The following WDR27 variants were observed in gnomAD, a reference collection of about 807,000 sequenced individuals.
WDR27 encodes WD repeat-containing protein 27.
WDR27 carries 100 observed loss-of-function variants against 114.4 expected under a neutral mutation model. That is an observed-to-expected ratio of 0.87 (90% CI 0.74 to 1.03). WDR27 has a LOEUF of 1.03. Among genes scored for constraint, WDR27 ranks in the 50% least tolerant of loss-of-function variants. The pLI, the probability that WDR27 is intolerant of heterozygous loss-of-function variation, is 0.00. For missense variants in WDR27, 1,129 were observed against 1,092.9 expected, an observed-to-expected ratio of 1.03 and a Z score of -0.47; for synonymous variants, 449 against 423.1, an observed-to-expected ratio of 1.06 and a Z score of -0.75.
At chr6:169,499,648 G>A (rs544529356) in intron 25 of WDR27, among the ~76,000 whole-genome samples, 1 of 152,234 alleles carries the variant, frequency 6.6e-6, no homozygotes, top group Non-Finnish European at 1.5e-5. Context: ...GCACAGAACT[G>A]ACATTTCTGA....
chr6:169,590,113 C>T (rs1208398982), intron 23 of WDR27, among the ~76,000 whole-genome samples: 1 of 152,238 alleles, frequency 6.6e-6, no homozygotes, highest in Non-Finnish European at 1.5e-5. Context: ...AACAGGACTA[C>T]ACCGATTCAT....
At chr6:169,666,704 C>A in intron 6 of WDR27, 1 of 987,828 alleles carries the variant, frequency 1.0e-6, no homozygotes, top group Non-Finnish European at 1.2e-6. Flanking sequence ...CTGGCATTCA[C>A]GAGCTGCACA....
At chr6:169,505,911 G>C (rs1791944907) in intron 25 of WDR27, among the ~76,000 whole-genome samples, 1 of 152,038 alleles carries the variant, frequency 6.6e-6, no homozygotes, top group Non-Finnish European at 1.5e-5. Context: ...CTAGCCAGGG[G>C]GCCACACTTC....
chr6:169,604,989 T>C (rs1001072482), intron 22 of WDR27, among the ~76,000 whole-genome samples: 1 of 150,212 alleles, frequency 6.7e-6, no homozygotes, highest in East Asian at 2.0e-4. Context: ...ATAGCCAAGG[T>C]CATACTGAAT....
At chr6:169,520,750 T>A (rs912367501) in intron 25 of WDR27, among the ~76,000 whole-genome samples, 4 of 151,298 alleles carry the variant, frequency 2.6e-5, no homozygotes, top group African/African-American at 9.7e-5. Flanking sequence ...CTGAAAAAAA[T>A]CATGAGAGGC....
At chr6:169,588,184 A>C (rs1805024316) in intron 23 of WDR27, among the ~76,000 whole-genome samples, 1 of 152,238 alleles carries the variant, frequency 6.6e-6, no homozygotes, top group Non-Finnish European at 1.5e-5. Flanking sequence ...TCACCACAAC[A>C]GCAAGAGCAG....
chr6:169,519,740 T>C (rs1258704292), intron 25 of WDR27, among the ~76,000 whole-genome samples: 8 of 151,882 alleles, frequency 5.3e-5, no homozygotes, highest in Admixed American at 4.6e-4. Flanking sequence ...AAAATAAATA[T>C]ACACACCAAT....
At chr6:169,594,745 G>A (rs1316641841) in intron 23 of WDR27, among the ~76,000 whole-genome samples, 1 of 152,070 alleles carries the variant, frequency 6.6e-6, no homozygotes, top group African/African-American at 2.4e-5. Flanking sequence ...TCATTTGCCT[G>A]GTATACATTT....
At chr6:169,444,676 T>TG in the WDR27 span, among the ~76,000 whole-genome samples, 1 of 151,930 alleles carries the variant, frequency 6.6e-6, no homozygotes, top group Non-Finnish European at 1.5e-5. Flanking sequence ...TTTGTTTTTT[T>TG]TTTTTTCGTC....
chr6:169,476,773 G>A (rs1787239379), intron 25 of WDR27, among the ~76,000 whole-genome samples: 1 of 152,034 alleles, frequency 6.6e-6, no homozygotes, highest in African/African-American at 2.4e-5. Context: ...TGTAATTATT[G>A]TTGTAACTAG....
At chr6:169,602,111 A>G in intron 23 of WDR27, 108 bp downstream of exon 23, 1 of 690,208 alleles carries the variant, frequency 1.4e-6, no homozygotes, top group Non-Finnish European at 2.3e-6. Flanking sequence ...ATTGACCAAC[A>G]GTCAAGCTGA....
intron 25 of WDR27, among the ~76,000 whole-genome samples, chr6:169,551,126 TG>T (rs1450591846): frequency 1.3e-5 from 2 of 152,224 alleles, no homozygotes; most frequent in African/African-American, 2.4e-5. Context: ...GCGTTTGAGC[TG>T]GCATGTCCAT....
intron 15 of WDR27, 31 bp downstream of exon 15, chr6:169,649,167 A>C (rs1240861022): frequency 2.5e-5 from 38 of 1,543,416 alleles, no homozygotes; most frequent in Non-Finnish European, 3.3e-5. Flanking sequence ...GTTATTTCAA[A>C]TGTACTTGGA....
At chr6:169,509,857 G>A (rs1217012507) in intron 25 of WDR27, among the ~76,000 whole-genome samples, 1 of 152,116 alleles carries the variant, frequency 6.6e-6, no homozygotes, top group Non-Finnish European at 1.5e-5. Context: ...TACAGAATGG[G>A]AGAAAATTTT....
intron 1 of WDR27, among the ~76,000 whole-genome samples, chr6:169,696,600 A>G (rs1320433864): frequency 6.6e-6 from 1 of 152,242 alleles, no homozygotes; most frequent in African/African-American, 2.4e-5. Context: ...CCTGAAGCAC[A>G]GGACCCCTTC....
intron 25 of WDR27, among the ~76,000 whole-genome samples, chr6:169,563,337 C>T (rs952261877): frequency 2.6e-5 from 4 of 152,112 alleles, no homozygotes; most frequent in African/African-American, 4.8e-5. Flanking sequence ...AGCTGAACCA[C>T]GCGTGAGTCC....
chr6:169,516,581 C>G (rs2128057595), intron 25 of WDR27, among the ~76,000 whole-genome samples: 1 of 152,108 alleles, frequency 6.6e-6, no homozygotes, highest in South Asian at 2.1e-4. Flanking sequence ...ATGTACAAAC[C>G]AAAAACCTTG....
chr6:169,432,240 CAT>C, the WDR27 span, among the ~76,000 whole-genome samples: 1 of 152,216 alleles, frequency 6.6e-6, no homozygotes, highest in Non-Finnish European at 1.5e-5. Context: ...AGACCAAAAA[CAT>C]ACTGTAAAAC....
chr6:169,450,526 C>T, the WDR27 span, among the ~76,000 whole-genome samples: 2 of 152,184 alleles, frequency 1.3e-5, no homozygotes, highest in African/African-American at 4.8e-5. Flanking sequence ...GTGCCTCTCC[C>T]GTTTAAGGGA....
Sources: allele counts gnomAD v4.1 joint callset (sites outside exome capture counted in the v4.1 genomes callset), GRCh38; gene constraint gnomAD v4.1.1; transcripts MANE v1.5; gene names NCBI Gene and HGNC (gene_info 2026-07-23, HGNC 2026-07-21).